Variants in NDUFAF6 observed in about 807,000 individuals in gnomAD.
The protein encoded by NDUFAF6 is NADH:ubiquinone oxidoreductase complex assembly factor 6, also known as NADH dehydrogenase (ubiquinone) complex I, assembly factor 6.
In NDUFAF6, 45 loss-of-function variants were observed where a neutral mutation model predicts 40.8. The observed-to-expected ratio is 1.10, with a 90% confidence interval of 0.87 to 1.42. The LOEUF is 1.42. Among genes scored for constraint, NDUFAF6 ranks in the 40% most tolerant of loss-of-function variants. The probability of loss-of-function intolerance (pLI) is 0.00; values close to 1 mark genes in which losing one functional copy is unlikely to be tolerated. For missense variants in NDUFAF6, 435 were observed against 418.5 expected (o/e 1.04, Z -0.34); for synonymous variants, 185 against 155.9 (o/e 1.19, Z -1.39).
At chr8:95,061,147 TTTTGCCTTTAAC>T (rs1458318344), downstream of NDUFAF6, among the ~76,000 whole-genome samples, 1 of 152,206 alleles carries the variant, frequency 6.6e-6, no homozygotes, top group South Asian at 2.1e-4. Context: ...CTCTTGATTT[TTTTGCCTTTAAC>T]TTATGTAAAA....
chr8:95,098,903 C>CAG (rs1809561203), upstream of NDUFAF6, among the ~76,000 whole-genome samples: 1 of 152,078 alleles, frequency 6.6e-6, no homozygotes, highest in Admixed American at 6.5e-5. Flanking sequence ...GCCTGGGCGA[C>CAG]AGAGTAAGAC....
chr8:94,947,024 T>C (rs1413671754), intron 2 of NDUFAF6, among the ~76,000 whole-genome samples: 1 of 152,190 alleles, frequency 6.6e-6, no homozygotes, highest in African/African-American at 2.4e-5. Context: ...GCTTATTGTA[T>C]GTAACGGGGC....
At chr8:94,933,542 C>CTCACCTGAA (rs1459757282) in intron 1 of NDUFAF6, among the ~76,000 whole-genome samples, 19 of 152,024 alleles carry the variant, frequency 1.2e-4, no homozygotes, top group African/African-American at 4.6e-4. Flanking sequence ...AGGCAGGTGG[C>CTCACCTGAA]TCACCTGAAG....
At chr8:94,961,104 A>G (rs1432813526) in intron 1 of NDUFAF6, among the ~76,000 whole-genome samples, 1 of 152,258 alleles carries the variant, frequency 6.6e-6, no homozygotes, top group Non-Finnish European at 1.5e-5. Context: ...TTGACGAACA[A>G]TACAGAGAAG....
intron 1 of NDUFAF6, among the ~76,000 whole-genome samples, chr8:94,979,721 A>G (rs951943675): frequency 1.3e-5 from 2 of 152,252 alleles, no homozygotes; most frequent in African/African-American, 2.4e-5. Flanking sequence ...ATGCTAAGGG[A>G]AAAGGCAGAC....
chr8:95,096,554 T>A (rs1809470411), upstream of NDUFAF6, among the ~76,000 whole-genome samples: 1 of 152,240 alleles, frequency 6.6e-6, no homozygotes, highest in Admixed American at 6.5e-5. Context: ...CCCTGTGACC[T>A]GATGAGGTTA....
chr8:95,077,227 C>T (rs542373487), downstream of NDUFAF6, among the ~76,000 whole-genome samples: 1 of 152,288 alleles, frequency 6.6e-6, no homozygotes, highest in African/African-American at 2.4e-5. Context: ...GTTTTTATGG[C>T]AGCCTTAGTA....
Position 95,050,343 on chromosome 8 carries a change from A to T in NDUFAF6, c.816+1785A>T, listed in dbSNP as rs552495752. ...GTTATGCGAAACATGGTCCTGGGAG[A>T]TAGGTTTGGAATGGTGGATTGAAGA... On this transcript the variant is annotated intron_variant, in intron 7 of 8. Coordinates refer to ENST00000396124, the MANE Select transcript of NDUFAF6 (RefSeq NM_152416.4). Among the ~76,000 whole-genome samples the T allele has an allele frequency of 2.0e-5, 3 of 152,266 alleles. No individual in the cohort carries two copies. In the East Asian group the frequency reaches 5.8e-4, roughly 29 times the overall value.
chr8:95,091,291 C>T (rs1052075086), intron 2 of NDUFAF6, among the ~76,000 whole-genome samples: 2 of 152,000 alleles, frequency 1.3e-5, no homozygotes, highest in African/African-American at 4.8e-5. Context: ...GGGACCTTCT[C>T]ACATGGCGGC....
At chr8:95,046,925 C>T in intron 5 of NDUFAF6, 69 bp from the exon 6 acceptor site, 1 of 1,597,744 alleles carries the variant, frequency 6.3e-7, no homozygotes. Flanking sequence ...GGTTATTTCT[C>T]TATGCTATTT....
intron 9 of NDUFAF6, chr8:95,068,024 G>C (rs1366589870): frequency 6.6e-6 from 1 of 151,986 alleles, no homozygotes; most frequent in Non-Finnish European, 1.5e-5. Flanking sequence ...TTGTTACTAA[G>C]AGTTTTCTGT....
At chr8:94,978,664 T>C (rs1825166983) in intron 1 of NDUFAF6, among the ~76,000 whole-genome samples, 1 of 151,398 alleles carries the variant, frequency 6.6e-6, no homozygotes, top group Admixed American at 6.6e-5. Context: ...CAGTGAACCA[T>C]AGCCATTCCA....
intron 4 of NDUFAF6, among the ~76,000 whole-genome samples, chr8:95,109,649 A>C (rs1221217586): frequency 6.6e-6 from 1 of 151,990 alleles, no homozygotes. Context: ...ATGTCTGTCC[A>C]TTTGTCTTCT....
downstream of NDUFAF6, among the ~76,000 whole-genome samples, chr8:95,059,319 G>A (rs1832507614): frequency 6.6e-6 from 1 of 152,120 alleles, no homozygotes; most frequent in Non-Finnish European, 1.5e-5. Flanking sequence ...AATTCAAACT[G>A]AGAGCTTTTG....
intron 8 of NDUFAF6, among the ~76,000 whole-genome samples, chr8:95,056,890 A>G (rs1377339267): frequency 1.5e-5 from 2 of 134,918 alleles, no homozygotes; most frequent in Non-Finnish European, 3.1e-5. Flanking sequence ...TGGGTAACAC[A>G]GCGAGACTCT....
downstream of NDUFAF6, among the ~76,000 whole-genome samples, chr8:95,117,226 TAGAA>T (rs1383853737): frequency 1.3e-5 from 2 of 152,196 alleles, no homozygotes; most frequent in Admixed American, 6.5e-5. Context: ...GGTGTTGTTT[TAGAA>T]AGAGTAAATG....
chr8:94,914,111 T>TTC (rs1448967812), intron 1 of NDUFAF6, among the ~76,000 whole-genome samples: 2 of 149,928 alleles, frequency 1.3e-5, no homozygotes, highest in Middle Eastern at 3.4e-3. Flanking sequence ...CTCTTTTTTT[T>TTC]TTTTTTTTTT....
At chr8:95,091,649 C>A (rs528628742) in intron 2 of NDUFAF6, among the ~76,000 whole-genome samples, 17 of 151,664 alleles carry the variant, frequency 1.1e-4, no homozygotes, top group Admixed American at 2.0e-4. Context: ...ATCTCTCTCT[C>A]TTGCTCTCTC....
At chr8:94,934,888 C>T (rs188951843) in intron 1 of NDUFAF6, among the ~76,000 whole-genome samples, 4 of 152,242 alleles carry the variant, frequency 2.6e-5, no homozygotes, top group Admixed American at 2.0e-4. Flanking sequence ...TAACATTCCC[C>T]ACCCATGACC....
Sources: allele counts gnomAD v4.1 joint callset (sites outside exome capture counted in the v4.1 genomes callset), GRCh38; gene constraint gnomAD v4.1.1; transcripts MANE v1.5; gene names NCBI Gene and HGNC (gene_info 2026-07-23, HGNC 2026-07-21).